C2orf76: variants seen among roughly 807,000 people sequenced by gnomAD.
C2orf76 encodes UPF0538 protein C2orf76.
C2orf76 carries 23 observed loss-of-function variants against 16.9 expected under a neutral mutation model. The observed-to-expected ratio is 1.36, with a 90% confidence interval of 0.98 to 1.93. The LOEUF (loss-of-function observed/expected upper bound fraction) is 1.93, where lower values mean the gene tolerates loss of function less well. Ranked by LOEUF, C2orf76 falls within the 30% of genes most tolerant of loss-of-function variation. C2orf76 has a pLI of 0.00. For missense variants in C2orf76, 152 were observed against 152.6 expected, an observed-to-expected ratio of 1.00 and a Z score of 0.02; for synonymous variants, 48 against 52.3, an observed-to-expected ratio of 0.92 and a Z score of 0.35.
the C2orf76 span, among the ~76,000 whole-genome samples, chr2:119,285,467 G>A: frequency 6.6e-6 from 1 of 152,182 alleles, no homozygotes; most frequent in Non-Finnish European, 1.5e-5. Flanking sequence ...TTTCCCAAGA[G>A]GATCTGTCCC....
chr2:119,351,270 T>C (rs1373143656), intron 1 of C2orf76, among the ~76,000 whole-genome samples: 1 of 152,168 alleles, frequency 6.6e-6, no homozygotes, highest in Admixed American at 6.5e-5. Flanking sequence ...ACACAATATT[T>C]AATATTTTCT....
chr2:119,333,156 G>A (rs574748701), intron 2 of C2orf76, among the ~76,000 whole-genome samples: 83 of 152,172 alleles, frequency 5.5e-4, no homozygotes, highest in Admixed American at 1.2e-3. Context: ...ACTGCCTCAC[G>A]TGATAAGGCA....
At chr2:119,301,738 G>A (rs867040621), downstream of C2orf76, among the ~76,000 whole-genome samples, 17 of 152,248 alleles carry the variant, frequency 1.1e-4, no homozygotes, top group Middle Eastern at 3.4e-3. Context: ...TATCTTCCAG[G>A]ACATAGACTT....
chr2:119,309,298 T>C (rs549833805), intron 5 of C2orf76, among the ~76,000 whole-genome samples: 1 of 152,078 alleles, frequency 6.6e-6, no homozygotes, highest in South Asian at 2.1e-4. Context: ...ATTTTTTATG[T>C]GTGAGTTATT....
intron 1 of C2orf76, among the ~76,000 whole-genome samples, chr2:119,350,076 G>GCCCCCC (rs1344357904): frequency 3.7e-4 from 12 of 32,848 alleles, no homozygotes; most frequent in East Asian, 2.8e-3. Context: ...ACCGCCCCCC[G>GCCCCCC]CCCCCCCACC....
chr2:119,363,366 G>T (rs1417904113), intron 1 of C2orf76, among the ~76,000 whole-genome samples: 1 of 151,206 alleles, frequency 6.6e-6, no homozygotes, highest in African/African-American at 2.4e-5. Flanking sequence ...GGAGCTTGCA[G>T]TGAGCCGAGA....
intron 1 of C2orf76, among the ~76,000 whole-genome samples, chr2:119,356,831 C>G (rs1230023997): frequency 6.6e-6 from 1 of 151,752 alleles, no homozygotes; most frequent in Non-Finnish European, 1.5e-5. Context: ...ACAGGCTCTG[C>G]AAATAGCGAA....
intron 1 of C2orf76, among the ~76,000 whole-genome samples, chr2:119,364,079 G>A (rs11896798): frequency 0.17 from 26,232 of 151,662 alleles, 2,455 homozygotes; most frequent in East Asian, 0.23. Flanking sequence ...TAGGAGAAAG[G>A]GGGAGGGAGA....
intron 1 of C2orf76, 167 bp downstream of exon 1, chr2:119,366,623 G>A (rs1681014599): frequency 9.5e-6 from 4 of 422,014 alleles, no homozygotes; most frequent in African/African-American, 2.1e-5. Flanking sequence ...GGCCTCTTCA[G>A]GCCGGGCAAG....
intron 1 of C2orf76, among the ~76,000 whole-genome samples, chr2:119,350,092 G>A (rs1397533821): frequency 1.6e-4 from 2 of 12,412 alleles, no homozygotes; most frequent in Non-Finnish European, 3.2e-4. Context: ...CCACCGTCCC[G>A]CGTAAGTGTT....
intron 1 of C2orf76, among the ~76,000 whole-genome samples, chr2:119,349,835 G>C (rs1680325922): frequency 6.6e-6 from 1 of 152,146 alleles, no homozygotes; most frequent in Non-Finnish European, 1.5e-5. Context: ...TGGCCCACAA[G>C]CTCTTTAAAG....
At chr2:119,307,314 C>T (rs1270778027) in intron 5 of C2orf76, among the ~76,000 whole-genome samples, 1 of 152,010 alleles carries the variant, frequency 6.6e-6, no homozygotes, top group Non-Finnish European at 1.5e-5. Flanking sequence ...GTGGCACATG[C>T]CTGTAATCCC....
the C2orf76 span, among the ~76,000 whole-genome samples, chr2:119,290,086 C>T: frequency 6.6e-6 from 1 of 151,790 alleles, no homozygotes; most frequent in Non-Finnish European, 1.5e-5. Context: ...AAAGTAATTC[C>T]TGCGTCCCTG....
At chr2:119,355,304 A>G (rs1680535634) in intron 1 of C2orf76, among the ~76,000 whole-genome samples, 1 of 152,214 alleles carries the variant, frequency 6.6e-6, no homozygotes, top group Non-Finnish European at 1.5e-5. Flanking sequence ...CGTGTCTTAG[A>G]AGCAGAGGGG....
the C2orf76 span, among the ~76,000 whole-genome samples, chr2:119,285,452 G>C: frequency 1.3e-5 from 2 of 152,196 alleles, no homozygotes; most frequent in African/African-American, 4.8e-5. Context: ...GCCCCAGTGG[G>C]GCTTTTTCCC....
intron 2 of C2orf76, among the ~76,000 whole-genome samples, chr2:119,336,241 A>G (rs1679842063): frequency 6.6e-6 from 1 of 151,922 alleles, no homozygotes. Context: ...TAAAAATATA[A>G]AATTAGCCAG....
chr2:119,313,726 G>C (rs1679073601), intron 4 of C2orf76, among the ~76,000 whole-genome samples: 1 of 152,060 alleles, frequency 6.6e-6, no homozygotes, highest in Non-Finnish European at 1.5e-5. Context: ...CTCCAGAGAG[G>C]ACTGGGACCA....
intron 1 of C2orf76, among the ~76,000 whole-genome samples, chr2:119,348,529 G>A (rs1680277625): frequency 6.6e-6 from 1 of 151,756 alleles, no homozygotes; most frequent in Non-Finnish European, 1.5e-5. Context: ...TCTACTAAAA[G>A]TACAAAATTA....
intron 1 of C2orf76, among the ~76,000 whole-genome samples, chr2:119,349,565 C>T (rs1680315840): frequency 6.6e-6 from 1 of 152,178 alleles, no homozygotes; most frequent in South Asian, 2.1e-4. Context: ...GCTACAATGA[C>T]AGCTCACAGT....
Sources: gnomAD v4.1 joint callset for allele counts (sites outside exome capture counted in the v4.1 genomes callset) on GRCh38, gnomAD v4.1.1 for gene constraint, MANE v1.5 for transcripts, NCBI Gene and HGNC (gene_info 2026-07-23, HGNC 2026-07-21) for gene names.